The following PRRC2B variants were observed in gnomAD, a reference collection of about 807,000 sequenced individuals.
The protein encoded by PRRC2B is protein PRRC2B.
PRRC2B carries 68 observed loss-of-function variants against 242.3 expected under a neutral mutation model. That is an observed-to-expected ratio of 0.28 (90% confidence interval 0.23 to 0.34). The LOEUF (loss-of-function observed/expected upper bound fraction) is 0.34, where lower values mean the gene tolerates loss of function less well. PRRC2B is among the 10% of genes least tolerant of loss of function. The pLI is 1.00. For missense variants in PRRC2B, 2,835 were observed against 2,954.8 expected (o/e 0.96, Z 0.94); for synonymous variants, 1,228 against 1,173.6 (o/e 1.05, Z -0.95).
intron 25 of PRRC2B, chr9:131,485,650 G>A: frequency 1.9e-6 from 1 of 535,652 alleles, no homozygotes; most frequent in Non-Finnish European, 3.7e-6. Flanking sequence ...GGGGTTTTGA[G>A]GGCCCAGCTG....
intron 1 of PRRC2B, among the ~76,000 whole-genome samples, chr9:131,396,950 T>G (rs517091): frequency 0.98 from 148,978 of 152,312 alleles, 72,953 homozygotes; most frequent in East Asian, 1. Context: ...CTGCATTTTA[T>G]TGGGGAATTT....
At position 131,499,266 on chromosome 9, in the gene PRRC2B, G is replaced by C. The variant is rs1416994169; in HGVS notation, c.*3392G>C. On this transcript the variant is annotated 3_prime_UTR_variant, in exon 32 of 32. Transcript: ENST00000683519. ...TGAGCACACACAGGTGCACAGCCAT[G>C]CTGTGGTCTGGCCTGCTACGGCAGC... 1 of 152,232 alleles carries C rather than the reference G, an allele frequency of 6.6e-6. No homozygotes were observed. Among genetic ancestry groups the C allele is most frequent in the Non-Finnish European group, 1.5e-5 (1 of 68,048 alleles). The allele number at this position is 152,232 out of a possible 1,614,324, so 9.4% of individuals were successfully genotyped here.
rs376859451 is a variant in PRRC2B at position 131,474,766 on chromosome 9, C to G, written c.2637C>G (p.Thr879=). The G allele has an allele frequency of 3.7e-6, 6 of 1,612,502 alleles. No homozygotes were observed. In the African/African-American group the frequency reaches 6.7e-5, roughly 18 times the overall value. Residue 879 remains threonine, a synonymous_variant, in exon 16 of 32, where the codon ACC becomes ACG. Transcript: ENST00000683519. ...GSWDVSHQPE[T]ADTAHGVERE... The stretch of plus-strand genomic sequence containing the variant: ...GGGATGTTAGCCACCAGCCAGAGAC[C>G]GCTGACACAGCCCATGGTGTTGAGC...
rs556724012 is a variant in PRRC2B, at chr9:131,424,494, C to T, written c.-51-5600C>T. 1.2e-3 allele frequency among the ~76,000 whole-genome samples: 190 copies of T among 152,130 alleles called. 2 individuals carry two copies. Among genetic ancestry groups the T allele is most frequent in the African/African-American group, 4.0e-3 (165 of 41,512 alleles). On this transcript the variant is annotated intron_variant, in intron 1 of 31. Transcript: ENST00000683519. ...TTGAGGTTAGGAGTTTGAGACAAGC[C>T]TGGCCAACATGGTGAAACCCTGTCT...
chr9:131,458,572 T>G (rs1943151077), intron 10 of PRRC2B, among the ~76,000 whole-genome samples: 2 of 152,238 alleles, frequency 1.3e-5, no homozygotes, highest in South Asian at 4.1e-4. Context: ...TGCCGCGATT[T>G]TGGCTCACTG....
At chr9:131,489,603 C>T (rs1944126579) in intron 28 of PRRC2B, among the ~76,000 whole-genome samples, 1 of 152,168 alleles carries the variant, frequency 6.6e-6, no homozygotes, top group Non-Finnish European at 1.5e-5. Flanking sequence ...CAACCCCCAC[C>T]CTCCTAGCAG....
intron 17 of PRRC2B, 97 bp downstream of exon 17, chr9:131,478,046 T>TA (rs1943754347): frequency 9.1e-7 from 1 of 1,103,784 alleles, no homozygotes; most frequent in Non-Finnish European, 1.3e-6. Context: ...ACTGAGTACC[T>TA]TAGCTTTCGG....
chr9:131,470,972 T>G lies in PRRC2B; in HGVS notation c.2096T>G (p.Leu699Arg). The G allele has an allele frequency of 6.2e-7, 1 of 1,610,420 alleles. No individual in the cohort carries two copies. The highest frequency in any genetic ancestry group is 8.5e-7 in the Non-Finnish European group (1 of 1,177,948). ...CCGGTGGACTTCTACCCCTCCGCCC[T>G]GCATCCCTCAGGTAAGCACTGTGGT... The part of the protein sequence containing the change: ...RTPVDFYPSA[L>R]HPSGLMKPMM... Residue 699 changes from leucine (L) to arginine (R), a missense_variant, in exon 14 of 32, where the codon CTG (leucine) becomes CGG (arginine). By Grantham distance (102) the Leu-to-Arg change is moderately radical. This residue lies in a region of PRRC2B where 1,536 missense variants were observed against 1,483.1 expected (regional missense o/e 1.04). Transcript: ENST00000683519.
chr9:131,466,458 T>G (rs4740159), intron 12 of PRRC2B, among the ~76,000 whole-genome samples: 1 of 152,242 alleles, frequency 6.6e-6, no homozygotes, highest in African/African-American at 2.4e-5. Flanking sequence ...CTAGGTCACA[T>G]AGCCTTTCTC....
chr9:131,420,387 G>C (rs1837768870), intron 1 of PRRC2B, among the ~76,000 whole-genome samples: 1 of 151,676 alleles, frequency 6.6e-6, no homozygotes, highest in Non-Finnish European at 1.5e-5. Context: ...TTAGGGAACA[G>C]AAATGTGGGC....
chr9:131,391,393 T>A (rs971471986), upstream of PRRC2B, among the ~76,000 whole-genome samples: 1 of 152,126 alleles, frequency 6.6e-6, no homozygotes, highest in Non-Finnish European at 1.5e-5. Context: ...ACTCCGACCC[T>A]CCTTCCTTCC....
intron 1 of PRRC2B, among the ~76,000 whole-genome samples, chr9:131,378,341 G>A (rs1175645803): frequency 6.6e-6 from 1 of 151,336 alleles, no homozygotes; most frequent in Non-Finnish European, 1.5e-5. Context: ...GTCCTGGCAG[G>A]CCTGTGCTCA....
intron 28 of PRRC2B, among the ~76,000 whole-genome samples, 173 bp downstream of exon 28, chr9:131,488,269 C>CT (rs397690778): frequency 0.74 from 107,226 of 144,678 alleles, 40,555 homozygotes; most frequent in South Asian, 0.91. Flanking sequence ...GCCCCATCAC[C>CT]TTTTTTTTTT....
intron 30 of PRRC2B, 67 bp downstream of exon 30, chr9:131,492,327 C>G: frequency 7.6e-7 from 1 of 1,323,036 alleles, no homozygotes; most frequent in Non-Finnish European, 1.1e-6. Flanking sequence ...GGCCCAGTGA[C>G]TCAGAAGAAT....
Position 131,479,341 on chromosome 9 carries a change from G to T in PRRC2B, c.4848G>T (p.Val1616=). 4 of 1,613,896 alleles carry T rather than the reference G, an allele frequency of 2.5e-6. No individual in the cohort carries two copies. The South Asian group carries it at 4.4e-5, about 18-fold the overall frequency. The change falls in exon 19 of 32, where the codon GTG becomes GTT. Residue 1616 remains valine, a synonymous_variant. Transcript: ENST00000683519. ...QNNLCLEQGD[V]TVPGSSLGTE... is the part of the protein sequence containing the mutation. The stretch of plus-strand genomic sequence containing the variant: ...ACTTATGTCTGGAGCAAGGTGACGT[G>T]ACCGTGCCTGGCAGCAGCCTGGGCA...
intron 1 of PRRC2B, among the ~76,000 whole-genome samples, chr9:131,417,946 C>T (rs896268866): frequency 2.0e-5 from 3 of 152,218 alleles, no homozygotes; most frequent in African/African-American, 7.2e-5. Context: ...GTGGTCGCTA[C>T]AGAGCATGGT....
intron 15 of PRRC2B, 113 bp from the exon 16 acceptor site, chr9:131,474,341 G>GTGTTTT (rs1943628103): frequency 1.1e-5 from 10 of 893,820 alleles, no homozygotes; most frequent in East Asian, 2.5e-5. Context: ...TTTTTAAAAA[G>GTGTTTT]TGTTTTAGTT....
chr9:131,433,935 G>T (rs1382337067), intron 3 of PRRC2B, among the ~76,000 whole-genome samples: 1 of 152,174 alleles, frequency 6.6e-6, no homozygotes, highest in Non-Finnish European at 1.5e-5. Context: ...CTAAGAGTTT[G>T]CTTAGGGATC....
At chr9:131,479,159 G>A in intron 18 of PRRC2B, 93 bp from the exon 19 acceptor site, 4 of 1,285,928 alleles carry the variant, frequency 3.1e-6, no homozygotes, top group African/African-American at 1.5e-5. Context: ...TTTTCAGGTG[G>A]TGTGATTTTT....
Sources: allele counts gnomAD v4.1 joint callset (sites outside exome capture counted in the v4.1 genomes callset), GRCh38; gene constraint gnomAD v4.1.1; regional missense constraint gnomAD v4.1.1; transcripts MANE v1.5; gene names NCBI Gene and HGNC (gene_info 2026-07-23, HGNC 2026-07-21).